The following HS1BP3 variants were observed in gnomAD, a reference collection of about 807,000 sequenced individuals.
HS1BP3 encodes HCLS1-binding protein 3.
A neutral mutation model predicts 33.5 loss-of-function variants in HS1BP3; 32 were observed. The observed-to-expected ratio is 0.95, with a 90% CI of 0.72 to 1.28. HS1BP3 has a LOEUF of 1.28. HS1BP3 is among the 50% of genes most tolerant of loss of function. The probability of loss-of-function intolerance (pLI) is 0.00; values close to 1 mark genes in which losing one functional copy is unlikely to be tolerated. For synonymous variants in HS1BP3, 187 were observed against 209.2 expected (o/e 0.89, Z 0.92); for missense variants, 486 against 502.3 (o/e 0.97, Z 0.31).
intron 5 of HS1BP3, among the ~76,000 whole-genome samples, chr2:20,560,806 G>A (rs867240259): frequency 2.6e-5 from 4 of 152,140 alleles, no homozygotes; most frequent in Non-Finnish European, 5.9e-5. Flanking sequence ...CAAAGCGGTG[G>A]TGCCCCTAGA....
chr2:20,651,000 T>C (rs1282262346), intron 1 of HS1BP3, 32 bp downstream of exon 1: 7 of 1,234,744 alleles, frequency 5.7e-6, no homozygotes, highest in Non-Finnish European at 7.1e-6. Flanking sequence ...GACTGCGAGC[T>C]GTGCGGTGTG....
chr2:20,573,609 C>T (rs1328790627), intron 5 of HS1BP3, among the ~76,000 whole-genome samples: 2 of 152,248 alleles, frequency 1.3e-5, no homozygotes, highest in African/African-American at 4.8e-5. Flanking sequence ...CGGGCCTTTG[C>T]TTCCAGAGGC....
chr2:20,613,012 G>T (rs143910802), downstream of HS1BP3, among the ~76,000 whole-genome samples: 675 of 152,254 alleles, frequency 4.4e-3, 2 homozygotes, highest in African/African-American at 0.015. Context: ...TTAGGGTCCT[G>T]GAACCAACCT....
intron 4 of HS1BP3, among the ~76,000 whole-genome samples, chr2:20,632,859 G>A (rs1221141477): frequency 6.6e-6 from 1 of 152,246 alleles, no homozygotes; most frequent in African/African-American, 2.4e-5. Context: ...GGGAGGTAAA[G>A]TCATAGTGTG....
At chr2:20,598,501 G>T (rs1693993707) in intron 2 of HS1BP3, among the ~76,000 whole-genome samples, 1 of 147,658 alleles carries the variant, frequency 6.8e-6, no homozygotes, top group African/African-American at 2.5e-5. Context: ...ACCTTCTGCT[G>T]TGCAGCCCGG....
At chr2:20,627,872 A>G (rs532704764) in intron 4 of HS1BP3, among the ~76,000 whole-genome samples, 3 of 152,318 alleles carry the variant, frequency 2.0e-5, no homozygotes, top group South Asian at 2.1e-4. Flanking sequence ...GGTCCATAAC[A>G]GATGCCTTGA....
At chr2:20,640,801 CCTT>C (rs1695315430) in intron 3 of HS1BP3, 169 bp downstream of exon 3, 1 of 663,960 alleles carries the variant, frequency 1.5e-6, no homozygotes, top group South Asian at 1.8e-5. Context: ...GGGTAGGCCT[CCTT>C]CTGCCCACCA....
At chr2:20,581,689 G>A (rs1010584878) in intron 5 of HS1BP3, among the ~76,000 whole-genome samples, 4 of 152,202 alleles carry the variant, frequency 2.6e-5, no homozygotes, top group Non-Finnish European at 5.9e-5. Context: ...TGGTTGAGTC[G>A]TCTGGGCACA....
intron 4 of HS1BP3, among the ~76,000 whole-genome samples, chr2:20,631,999 TG>T (rs1051355999): frequency 3.3e-4 from 50 of 152,328 alleles, no homozygotes; most frequent in African/African-American, 1.1e-3. Context: ...GATCAATAAC[TG>T]CCAGCTTTCC....
chr2:20,612,441 C>T (rs1367208948), intron 2 of HS1BP3, among the ~76,000 whole-genome samples: 14 of 152,208 alleles, frequency 9.2e-5, no homozygotes, highest in Admixed American at 7.2e-4. Flanking sequence ...TTCTATCACC[C>T]TGGGAAAGAT....
Position 20,619,129 on chromosome 2 carries a change from A to G in HS1BP3, c.1037T>C (p.Val346Ala), listed in dbSNP as rs183773608. Residue 346 changes from valine (V) to alanine (A), a missense_variant, in exon 7 of 7, where the codon GTT becomes GCT. Transcript: ENST00000304031. ...TTCAGCCGGGCCCGCTTTGGGGGGAACAGCTGGTTTTCTGGGTATCACCGG... is the reference window on the plus strand; with the variant it reads ...TTCAGCCGGGCCCGCTTTGGGGGGAGCAGCTGGTTTTCTGGGTATCACCGG... ...AKPVIPRKPAVPPKAGPAEAV... is the reference protein window; with the variant it reads ...AKPVIPRKPAAPPKAGPAEAV... The G allele has an allele frequency of 7.4e-5, 120 of 1,613,374 alleles. 4 individuals are homozygous for G. The South Asian group carries it at 1.2e-3, about 17-fold the overall frequency.
rs150281364 is a variant in HS1BP3, at chr2:20,624,390, G to A, written c.784+342C>T. Among the ~76,000 whole-genome samples the A allele has an allele frequency of 6.2e-3, 948 of 152,292 alleles. 6 individuals carry two copies. The highest frequency in any genetic ancestry group is 0.01 in the Non-Finnish European group (704 of 68,016). On this transcript the variant is annotated intron_variant, in intron 5 of 6. Coordinates refer to ENST00000304031, the MANE Select transcript of HS1BP3 (RefSeq NM_022460.4). Reference sequence around the variant, plus strand: ...TGTGAGGAAAGGGACCAAGGGATGAGTGGAGATGTCCCAAGGCCGCTCGGT... The same window carrying A: ...TGTGAGGAAAGGGACCAAGGGATGAATGGAGATGTCCCAAGGCCGCTCGGT...
intron 1 of HS1BP3, 81 bp from the exon 2 acceptor site, chr2:20,645,586 G>T: frequency 7.1e-7 from 1 of 1,412,906 alleles, no homozygotes; most frequent in Non-Finnish European, 9.5e-7. Context: ...GGGCCTCTGG[G>T]TGCCTGGCAG....
At chr2:20,597,541 C>T (rs1476356708) in intron 3 of HS1BP3, among the ~76,000 whole-genome samples, 1 of 151,992 alleles carries the variant, frequency 6.6e-6, no homozygotes, top group Non-Finnish European at 1.5e-5. Flanking sequence ...GAAACCTCAG[C>T]GATTCCACAG....
chr2:20,640,604 T>C, intron 3 of HS1BP3: 1 of 483,724 alleles, frequency 2.1e-6, no homozygotes, highest in Non-Finnish European at 3.7e-6. Context: ...TCCCTAGGGC[T>C]GGTTGGAGGA....
intron 2 of HS1BP3, among the ~76,000 whole-genome samples, chr2:20,601,096 C>CA (rs1348547675): frequency 1.3e-5 from 2 of 152,176 alleles, no homozygotes; most frequent in East Asian, 3.9e-4. Context: ...TGCCTTCTTG[C>CA]AATTGAGTAC....
At chr2:20,598,230 C>T (rs1349755908) in exon 3 of HS1BP3, 3 of 417,270 alleles carry the variant, frequency 7.2e-6, no homozygotes, top group East Asian at 7.4e-5. Context: ...TCAGTGGGAG[C>T]CCTGAGCTTG....
At chr2:20,630,484 A>T (rs564592719) in intron 4 of HS1BP3, among the ~76,000 whole-genome samples, 5 of 152,056 alleles carry the variant, frequency 3.3e-5, no homozygotes, top group Non-Finnish European at 7.4e-5. Flanking sequence ...GCCCAGGCTG[A>T]TCTCAAGCTC....
chr2:20,582,149 G>T (rs983943988), intron 5 of HS1BP3, among the ~76,000 whole-genome samples: 2 of 152,220 alleles, frequency 1.3e-5, no homozygotes, highest in African/African-American at 2.4e-5. Context: ...CCAAGGAGAG[G>T]ATTTATGCAG....
Sources: gnomAD v4.1 joint callset for allele counts (sites outside exome capture counted in the v4.1 genomes callset) on GRCh38, gnomAD v4.1.1 for gene constraint, MANE v1.5 for transcripts, NCBI Gene and HGNC (gene_info 2026-07-23, HGNC 2026-07-21) for gene names.